TAS1R1: variants seen among roughly 807,000 people sequenced by gnomAD.
TAS1R1 encodes the protein taste 1 receptor member 1, also known as taste receptor type 1 member 1.
A neutral mutation model predicts 45.8 loss-of-function variants in TAS1R1; 31 were observed. The observed-to-expected ratio is 0.68, with a 90% CI of 0.51 to 0.91. The LOEUF is 0.91. Among genes scored for constraint, TAS1R1 ranks in the 40% least tolerant of loss-of-function variants. The pLI is 0.00. For missense variants in TAS1R1, 1,051 were observed against 1,063.9 expected (o/e 0.99, Z 0.17); for synonymous variants, 437 against 448.4 (o/e 0.97, Z 0.32).
At chr1:6,559,939 G>C (rs1303882620) in intron 1 of TAS1R1, among the ~76,000 whole-genome samples, 3 of 148,322 alleles carry the variant, frequency 2.0e-5, no homozygotes, top group Non-Finnish European at 4.4e-5. Context: ...GCAATGAGCC[G>C]AGATCCTGCC....
chr1:6,574,894 G>A lies in TAS1R1; in HGVS notation c.762G>A (p.Glu254=), dbSNP rs773541287. ...IMPFSAQVGD[E]RMQCLMRHLA... ...CCTTCTCTGCCCAGGTGGGCGATGA[G>A]AGGATGCAGTGCCTCATGCGCCACC... is the stretch of plus-strand genomic sequence containing the variant. Residue 254 remains glutamate (E), a synonymous_variant, in exon 3 of 6, where the codon GAG becomes GAA. Coordinates refer to ENST00000333172, the MANE Select transcript of TAS1R1 (RefSeq NM_138697.4). This position sits in a 1 kb window ranked among gnomAD's most constrained non-coding sequence, Gnocchi z 4.3. 7 of 1,614,122 alleles carry A rather than the reference G, an allele frequency of 4.3e-6. No individual in the cohort carries two copies. In the East Asian group the frequency reaches 8.9e-5, roughly 21 times the overall value.
chr1:6,565,167 G>C (rs1408449791), intron 1 of TAS1R1, among the ~76,000 whole-genome samples: 1 of 152,162 alleles, frequency 6.6e-6, no homozygotes, highest in Non-Finnish European at 1.5e-5. Flanking sequence ...CTCAGTACGG[G>C]AGTGGGTGGG....
At chr1:6,569,901 G>A (rs1220835515) in intron 1 of TAS1R1, among the ~76,000 whole-genome samples, 4 of 152,092 alleles carry the variant, frequency 2.6e-5, no homozygotes, top group Middle Eastern at 6.8e-3. Context: ...TAATGGGAGA[G>A]TCTGAGAAAT....
intron 1 of TAS1R1, among the ~76,000 whole-genome samples, chr1:6,559,180 G>T (rs1013584318): frequency 2.0e-5 from 3 of 151,776 alleles, no homozygotes; most frequent in Non-Finnish European, 4.4e-5. Context: ...GGCGTGAGCC[G>T]CCACGCCCGG....
In TAS1R1 at chr1:6,559,256, C is replaced by T. The variant is rs557795075; in HGVS notation, c.191+3692C>T. Among the ~76,000 whole-genome samples the T allele has an allele frequency of 1.4e-4, 21 of 151,780 alleles. No homozygotes were observed. The East Asian group carries it at 3.0e-3, about 21-fold the overall frequency. On this transcript the variant is annotated intron_variant, in intron 1 of 5. Coordinates refer to ENST00000333172, the MANE Select transcript of TAS1R1 (RefSeq NM_138697.4). ...TGTTGGCCAGGCTGCTCTCGAACTT[C>T]TGGCCTCAAGTGATCCACCCACCTC...
At chr1:6,570,024 G>GAGAGAGAGAGAGAGAGAGAGA (rs1553186697) in intron 1 of TAS1R1, among the ~76,000 whole-genome samples, 99 of 32,414 alleles carry the variant, frequency 3.1e-3, no homozygotes, top group East Asian at 0.012. Context: ...GGAGGGAGGG[G>GAGAGAGAGAGAGAGAGAGAGA]GAGAGAGAGA....
chr1:6,559,038 C>T, intron 1 of TAS1R1, among the ~76,000 whole-genome samples: 1 of 152,048 alleles, frequency 6.6e-6, no homozygotes, highest in East Asian at 1.9e-4. Context: ...ACTACAGGCG[C>T]CCGCCACCAC....
At chr1:6,573,963 A>G (rs1345094026) in intron 2 of TAS1R1, among the ~76,000 whole-genome samples, 1 of 152,148 alleles carries the variant, frequency 6.6e-6, no homozygotes, top group Non-Finnish European at 1.5e-5. Context: ...GCACCCGGCC[A>G]TAATGTATTA....
chr1:6,575,602 T>G (rs1226179316), intron 3 of TAS1R1, among the ~76,000 whole-genome samples: 1 of 152,128 alleles, frequency 6.6e-6, no homozygotes, highest in African/African-American at 2.4e-5. Context: ...CTCTGCAACT[T>G]CCACCTCCTG....
At chr1:6,565,435 G>A (rs1200087839) in intron 1 of TAS1R1, among the ~76,000 whole-genome samples, 1 of 152,080 alleles carries the variant, frequency 6.6e-6, no homozygotes, top group Admixed American at 6.5e-5. Context: ...GGCCATCCTC[G>A]AGTGGTATTG....
chr1:6,565,636 G>A (rs60706249), intron 1 of TAS1R1, among the ~76,000 whole-genome samples: 9,120 of 152,108 alleles, frequency 0.06, 896 homozygotes, highest in African/African-American at 0.2. Context: ...TTTTGGAGAC[G>A]GAGTCTCGCT....
Position 6,559,144 on chromosome 1 carries a change from C to T in TAS1R1, c.191+3580C>T, listed in dbSNP as rs149740949. On this transcript the variant is annotated intron_variant, in intron 1 of 5. Transcript: ENST00000333172. ...TCCTGACCTCGTGATCCACCCGCCTCGGCCTCCCAAAGTGCTGGGATTACA... is the reference window on the plus strand; with the variant it reads ...TCCTGACCTCGTGATCCACCCGCCTTGGCCTCCCAAAGTGCTGGGATTACA... 9.0e-3 allele frequency among the ~76,000 whole-genome samples: 1,370 copies of T among 152,126 alleles called. 16 individuals carry two copies. The highest frequency in any genetic ancestry group is 0.03 in the African/African-American group (1,243 of 41,546).
chr1:6,579,522 A>C lies in TAS1R1; in HGVS notation c.2464A>C (p.Asn822His), dbSNP rs1234551484. 1 of 1,613,406 alleles carries C rather than the reference A, an allele frequency of 6.2e-7. No homozygotes were observed. Among genetic ancestry groups the C allele is most frequent in the African/African-American group, 1.3e-5 (1 of 74,922 alleles). The change falls in exon 6 of 6, where the codon AAC becomes CAC. Residue 822 changes from asparagine (N) to histidine (H), a missense_variant. Asn to His is a moderately conservative substitution (Grantham distance 68, BLOSUM62 1). Transcript: ENST00000333172. ...CYVILCRPDLNSTEHFQASIQ... is the reference protein window; with the variant it reads ...CYVILCRPDLHSTEHFQASIQ... ...CGTGATCCTCTGCCGCCCAGACCTC[A>C]ACAGCACAGAGCACTTCCAGGCCTC... is the stretch of plus-strand genomic sequence containing the variant.
In TAS1R1 at chr1:6,579,441, G is replaced by T; in HGVS notation, c.2383G>T (p.Ala795Ser). ...GTACCTGCCTGCGGCCAACATGATG[G>T]CTGGGCTGAGCAGCCTGAGCAGCGG... ...GKYLPAANMM[A>S]GLSSLSSGFG... is the part of the protein sequence containing the mutation. Residue 795 changes from alanine (A) to serine (S), a missense_variant, in exon 6 of 6, where the codon GCT becomes TCT. Transcript: ENST00000333172. The T allele has an allele frequency of 6.2e-7, 1 of 1,614,014 alleles. No individual in the cohort carries two copies. Among genetic ancestry groups the T allele is most frequent in the South Asian group, 1.1e-5 (1 of 91,082 alleles).
rs185309829 is a variant in TAS1R1, at chr1:6,575,947, T to G, written c.1261-468T>G. 6.9e-3 allele frequency among the ~76,000 whole-genome samples: 1,054 copies of G among 152,088 alleles called. 14 individuals are homozygous for G. Among genetic ancestry groups the G allele is most frequent in the East Asian group, 0.036 (188 of 5,160 alleles). Reference sequence around the variant, plus strand: ...CTGACCTTGTCATCCGCCCACCTCGTCCTCCCAAAGTGCTGGGATTACAGG... The same window carrying G: ...CTGACCTTGTCATCCGCCCACCTCGGCCTCCCAAAGTGCTGGGATTACAGG... On this transcript the variant is annotated intron_variant, in intron 3 of 5. Coordinates refer to ENST00000333172, the MANE Select transcript of TAS1R1 (RefSeq NM_138697.4).
chr1:6,567,526 C>G (rs1639895893), intron 1 of TAS1R1, among the ~76,000 whole-genome samples: 1 of 150,676 alleles, frequency 6.6e-6, no homozygotes, highest in Admixed American at 6.6e-5. Flanking sequence ...CGCCACTGCA[C>G]TCCAGCCTGG....
At chr1:6,565,434 C>T (rs1033840483) in intron 1 of TAS1R1, among the ~76,000 whole-genome samples, 8 of 152,050 alleles carry the variant, frequency 5.3e-5, no homozygotes, top group Non-Finnish European at 1.5e-5. Flanking sequence ...TGGCCATCCT[C>T]GAGTGGTATT....
At position 6,574,819 on chromosome 1, in the gene TAS1R1, G is replaced by A. The variant is rs1247069641; in HGVS notation, c.687G>A (p.Glu229=). ...DYGQLGVQAL[E]NQATGQGICI... The stretch of plus-strand genomic sequence containing the variant: ...GGCAGCTAGGGGTGCAGGCACTGGA[G>A]AACCAGGCCACTGGTCAGGGGATCT... The change falls in exon 3 of 6, where the codon GAG becomes GAA. Residue 229 remains glutamate (E), a synonymous_variant. Coordinates refer to ENST00000333172, the MANE Select transcript of TAS1R1 (RefSeq NM_138697.4). This position sits in a 1 kb window ranked among gnomAD's most constrained non-coding sequence, Gnocchi z 4.3. The A allele has an allele frequency of 9.9e-6, 16 of 1,614,160 alleles. No individual in the cohort carries two copies. The highest frequency in any genetic ancestry group is 1.4e-5 in the Non-Finnish European group (16 of 1,180,064).
At chr1:6,561,715 A>AG (rs2148667823) in intron 1 of TAS1R1, among the ~76,000 whole-genome samples, 1 of 9,926 alleles carries the variant, frequency 1.0e-4, no homozygotes, top group African/African-American at 1.3e-4. Flanking sequence ...TTTCCGTCTC[A>AG]AAAAAAAAAA....
Sources: allele counts gnomAD v4.1 joint callset (sites outside exome capture counted in the v4.1 genomes callset), GRCh38; gene constraint gnomAD v4.1.1; non-coding constraint Gnocchi (gnomAD v3.1); transcripts MANE v1.5; gene names NCBI Gene and HGNC (gene_info 2026-07-23, HGNC 2026-07-21).